CDH2: variants seen among roughly 807,000 people sequenced by gnomAD.
CDH2 encodes cadherin-2.
A neutral mutation model predicts 92.0 loss-of-function variants in CDH2; 17 were observed. That is an observed-to-expected ratio of 0.18 (90% CI 0.13 to 0.28). CDH2 has a LOEUF of 0.28. Ranked by LOEUF, CDH2 falls within the 10% of genes least tolerant of loss-of-function variation. The pLI, the probability that CDH2 is intolerant of heterozygous loss-of-function variation, is 1.00. For missense variants in CDH2, 862 were observed against 1,133.1 expected, an observed-to-expected ratio of 0.76 and a Z score of 3.44; for synonymous variants, 419 against 415.9, an observed-to-expected ratio of 1.01 and a Z score of -0.09.
At chr18:27,942,907 T>G (rs1323486975) in intron 6 of CDH2, among the ~76,000 whole-genome samples, 2 of 152,102 alleles carry the variant, frequency 1.3e-5, no homozygotes, top group African/African-American at 4.8e-5. Flanking sequence ...AATGTGTCAG[T>G]CTTGGTGCAA....
Position 28,120,550 on chromosome 18 carries a change from T to C in CDH2, c.172+27123A>G, listed in dbSNP as rs148378147. On this transcript the variant is annotated intron_variant, in intron 2 of 15. Coordinates refer to ENST00000269141, the MANE Select transcript of CDH2 (RefSeq NM_001792.5). Reference sequence around the variant, plus strand: ...AATATATGTCTATTCATGACCAGAATTGATATTTCCTGTAATGGTACATGG... The same window carrying C: ...AATATATGTCTATTCATGACCAGAACTGATATTTCCTGTAATGGTACATGG... Among the ~76,000 whole-genome samples the C allele has an allele frequency of 2.4e-4, 36 of 152,226 alleles. 1 individual carries two copies. Among genetic ancestry groups the C allele is most frequent in the African/African-American group, 7.9e-4 (33 of 41,552 alleles).
intron 14 of CDH2, among the ~76,000 whole-genome samples, chr18:27,964,722 C>T (rs1434641679): frequency 2.0e-5 from 3 of 151,998 alleles, no homozygotes; most frequent in African/African-American, 7.3e-5. Context: ...TTTTATTATC[C>T]CCACTTAAGA....
At chr18:27,933,845 C>A (rs993295940) in intron 6 of CDH2, among the ~76,000 whole-genome samples, 1 of 152,150 alleles carries the variant, frequency 6.6e-6, no homozygotes, top group African/African-American at 2.4e-5. Flanking sequence ...CTAAGACTTT[C>A]CAAACCCGAT....
chr18:27,999,052 A>G (rs1014521820), intron 7 of CDH2, among the ~76,000 whole-genome samples: 3 of 152,254 alleles, frequency 2.0e-5, no homozygotes, highest in African/African-American at 7.2e-5. Context: ...AGGTATGCAG[A>G]GACTACTGTG....
At chr18:28,147,869 C>A in intron 1 of CDH2, 85 bp from the exon 2 acceptor site, 1 of 752,272 alleles carries the variant, frequency 1.3e-6, no homozygotes, top group Non-Finnish European at 2.2e-6. Flanking sequence ...CATAAAGCCT[C>A]ATTTTTTCAA....
intron 2 of CDH2, among the ~76,000 whole-genome samples, chr18:28,034,440 T>C (rs186545399): frequency 6.6e-6 from 1 of 152,180 alleles, no homozygotes; most frequent in Non-Finnish European, 1.5e-5. Flanking sequence ...ATATTTTTTT[T>C]CTGGTTTTTA....
intron 2 of CDH2, among the ~76,000 whole-genome samples, chr18:28,137,157 A>T (rs978162258): frequency 3.3e-5 from 5 of 152,182 alleles, no homozygotes; most frequent in African/African-American, 4.8e-5. Context: ...ACTTCCTCAC[A>T]CTAATGAAAA....
At chr18:27,972,439 T>C (rs1002902533) in intron 14 of CDH2, among the ~76,000 whole-genome samples, 14 of 152,192 alleles carry the variant, frequency 9.2e-5, no homozygotes, top group East Asian at 7.7e-4. Flanking sequence ...TCGAGTCACA[T>C]AGACCTAGGT....
At chr18:28,091,896 A>G (rs1277939138) in intron 2 of CDH2, among the ~76,000 whole-genome samples, 1 of 151,982 alleles carries the variant, frequency 6.6e-6, no homozygotes. Context: ...GTATTCTCAC[A>G]ATTCTAGAAA....
chr18:27,948,566 T>C (rs1348388), downstream of CDH2, among the ~76,000 whole-genome samples: 38,709 of 151,624 alleles, frequency 0.26, 6,496 homozygotes, highest in East Asian at 0.78. Flanking sequence ...CAAAAGATCA[T>C]GAAAAAATGC....
In CDH2 at chr18:27,985,517, C is replaced by T. The variant is rs747904579; in HGVS notation, c.1975+11G>A. The stretch of plus-strand genomic sequence containing the variant: ...ACTGCACATATATTCAAATAATTAA[C>T]CTGTTCTTACCATTAAGCCGAGTGA... On this transcript the variant is annotated intron_variant, in intron 12 of 15. Transcript: ENST00000269141. 3 of 1,544,010 alleles carry T rather than the reference C, an allele frequency of 1.9e-6. No homozygotes were observed. Among genetic ancestry groups the T allele is most frequent in the African/African-American group, 1.4e-5 (1 of 73,440 alleles).
chr18:27,949,757 C>T (rs931749606), downstream of CDH2, among the ~76,000 whole-genome samples: 5 of 151,370 alleles, frequency 3.3e-5, no homozygotes, highest in African/African-American at 9.7e-5. Context: ...TATTAGTTTC[C>T]TAGTTTTTTT....
At chr18:27,979,231 A>G (rs990390891) in intron 14 of CDH2, among the ~76,000 whole-genome samples, 19 of 152,226 alleles carry the variant, frequency 1.2e-4, no homozygotes, top group Non-Finnish European at 2.1e-4. Flanking sequence ...GAAATAACAT[A>G]TCAAAAGGGT....
chr18:27,942,599 A>G (rs1458204888), intron 6 of CDH2, among the ~76,000 whole-genome samples: 2 of 152,254 alleles, frequency 1.3e-5, no homozygotes, highest in East Asian at 1.9e-4. Context: ...TTAGTATATT[A>G]GAAAAACAAA....
At chr18:27,955,535 C>T (rs1329453335) in intron 15 of CDH2, among the ~76,000 whole-genome samples, 2 of 151,520 alleles carry the variant, frequency 1.3e-5, no homozygotes, top group African/African-American at 4.8e-5. Flanking sequence ...GGAATAAACA[C>T]AAGAAGGGGT....
chr18:27,995,356 C>T (rs191926749), intron 7 of CDH2, among the ~76,000 whole-genome samples: 94 of 147,786 alleles, frequency 6.4e-4, no homozygotes, highest in African/African-American at 2.2e-3. Flanking sequence ...GGCTATAATA[C>T]TTCTTCAGTT....
At position 27,988,555 on chromosome 18, in the gene CDH2, T is replaced by C. The variant is rs750664667; in HGVS notation, c.1710A>G (p.Ile570Met). Reference protein sequence around the residue: ...DRESPNVKNNIYNATFLASDN... With the variant: ...DRESPNVKNNMYNATFLASDN... The stretch of plus-strand genomic sequence containing the variant: ...CAGAAGCAAGGAAAGTAGCATTATA[T>C]ATATTGTTTTTCACATTTGGTGATT... Residue 570 changes from isoleucine (I) to methionine (M), a missense_variant, in exon 11 of 16, where the codon ATA becomes ATG. By Grantham distance (10) the Ile-to-Met change is conservative. This residue lies in a region of CDH2 where 564 missense variants were observed against 722.2 expected (regional missense o/e 0.78). Coordinates refer to ENST00000269141, the MANE Select transcript of CDH2 (RefSeq NM_001792.5). 3.1e-6 allele frequency: 5 copies of C among 1,613,158 alleles called. No individual in the cohort carries two copies. The highest frequency in any genetic ancestry group is 1.3e-5 in the African/African-American group (1 of 74,900).
Position 28,002,918 on chromosome 18 carries a change from G to A in CDH2, c.1020+79C>T, listed in dbSNP as rs1055515611. The A allele has an allele frequency of 8.4e-6, 10 of 1,190,952 alleles. No individual in the cohort carries two copies. The African/African-American group carries it at 1.5e-4, about 18-fold the overall frequency. 73.8% of individuals were successfully genotyped at this position (1,190,952 alleles called of 1,614,324 possible). A position where few individuals can be genotyped will look rare whatever the true frequency, so the allele number is the denominator to read the frequency against. ...AACACTGTGAGTATATTGTGATGTG[G>A]AGATAAAATGTATGTGATATGATAT... On this transcript the variant is annotated intron_variant, in intron 7 of 15. Transcript: ENST00000269141.
At chr18:28,089,118 T>C (rs1330261107) in intron 2 of CDH2, among the ~76,000 whole-genome samples, 2 of 152,162 alleles carry the variant, frequency 1.3e-5, no homozygotes, top group African/African-American at 4.8e-5. Flanking sequence ...ACGTCTCCTT[T>C]ACATGTCATT....
Sources: gnomAD v4.1 joint callset for allele counts (sites outside exome capture counted in the v4.1 genomes callset) on GRCh38, gnomAD v4.1.1 for gene constraint, gnomAD v4.1.1 regional missense constraint, MANE v1.5 for transcripts, NCBI Gene and HGNC (gene_info 2026-07-23, HGNC 2026-07-21) for gene names.